The following CELF5 variants were observed in gnomAD, a reference collection of about 807,000 sequenced individuals.
CELF5 encodes the protein CUG-BP and ETR-3 like factor 5.
Under a neutral mutation model 54.9 loss-of-function variants are expected in CELF5, and 6 were observed. The observed-to-expected ratio is 0.11, with a 90% CI of 0.06 to 0.22. The LOEUF is 0.22. CELF5 is among the 10% of genes least tolerant of loss of function. The probability of loss-of-function intolerance (pLI) is 1.00; values close to 1 mark genes in which losing one functional copy is unlikely to be tolerated. For synonymous variants in CELF5, 271 were observed against 290.9 expected (o/e 0.93, Z 0.70); for missense variants, 401 against 678.6 (o/e 0.59, Z 4.54).
At chr19:3,255,839 C>A (rs1036029553) in intron 2 of CELF5, among the ~76,000 whole-genome samples, 37 of 152,152 alleles carry the variant, frequency 2.4e-4, no homozygotes, top group African/African-American at 7.9e-4. Context: ...CCGAGGCGAG[C>A]AGATCATCTG....
chr19:3,273,168 A>G (rs748569203), intron 2 of CELF5, among the ~76,000 whole-genome samples: 31 of 152,052 alleles, frequency 2.0e-4, no homozygotes, highest in African/African-American at 7.2e-4. Flanking sequence ...AAACTACTCC[A>G]GTCATTGTAT....
Position 3,257,664 on chromosome 19 carries a change from C to T in CELF5, c.342+6597C>T, listed in dbSNP as rs150066594. On this transcript the variant is annotated intron_variant, in intron 2 of 12. Transcript: ENST00000292672. Reference sequence around the variant, plus strand: ...CTAATTTTTGTATTTTTAGTAGAGACGGGGTTTCCCCATGTTGGTCAGGCT... The same window carrying T: ...CTAATTTTTGTATTTTTAGTAGAGATGGGGTTTCCCCATGTTGGTCAGGCT... 6.6e-3 allele frequency among the ~76,000 whole-genome samples: 996 copies of T among 151,302 alleles called. 9 individuals carry two copies. The highest frequency in any genetic ancestry group is 0.023 in the African/African-American group (931 of 41,308).
Position 3,255,560 on chromosome 19 carries a change from C to G in CELF5, c.342+4493C>G, listed in dbSNP as rs558419875. 1.6e-3 allele frequency among the ~76,000 whole-genome samples: 243 copies of G among 152,192 alleles called. 1 individual carries two copies. Among genetic ancestry groups the G allele is most frequent in the African/African-American group, 5.6e-3 (234 of 41,540 alleles). On this transcript the variant is annotated intron_variant, in intron 2 of 12. Coordinates refer to ENST00000292672, the MANE Select transcript of CELF5 (RefSeq NM_021938.4). ...AGCCTCTTCTCCTCCCTCCTCCTCGCCCCCAGAGCTCATGGCCCCCACATC... is the reference window on the plus strand; with the variant it reads ...AGCCTCTTCTCCTCCCTCCTCCTCGGCCCCAGAGCTCATGGCCCCCACATC...
At chr19:3,253,070 C>T (rs1346932518) in intron 2 of CELF5, among the ~76,000 whole-genome samples, 3 of 150,794 alleles carry the variant, frequency 2.0e-5, no homozygotes, top group African/African-American at 7.3e-5. Context: ...CTGGTGCCTA[C>T]CCAAACCAAC....
rs1296485811 is a variant in CELF5 at position 3,278,224 on chromosome 19, C to A, written c.603+114C>A. ...CTGTCATCCGGTAGCCCCTGGCTGT[C>A]CTTCAGAGGGGGCACAGGTGGAGAA... On this transcript the variant is annotated intron_variant, in intron 5 of 12. Coordinates refer to ENST00000292672, the MANE Select transcript of CELF5 (RefSeq NM_021938.4). The surrounding 1 kb of genome is among the most constrained non-coding windows in gnomAD (Gnocchi z 4.5). The A allele has an allele frequency of 2.6e-6, 2 of 765,752 alleles. No individual in the cohort carries two copies. The highest frequency in any genetic ancestry group is 4.5e-5 in the Admixed American group (2 of 44,702). 47.4% of individuals were successfully genotyped at this position (765,752 alleles called of 1,614,324 possible). A position where few individuals can be genotyped will look rare whatever the true frequency, so the allele number is the denominator to read the frequency against.
chr19:3,283,838 T>G (rs1017904744), intron 8 of CELF5, among the ~76,000 whole-genome samples: 1 of 151,220 alleles, frequency 6.6e-6, no homozygotes, highest in Non-Finnish European at 1.5e-5. Flanking sequence ...ATTTATTTAT[T>G]TAGCGACAGA....
Position 3,252,501 on chromosome 19 carries a change from G to A in CELF5, c.342+1434G>A, listed in dbSNP as rs192921789. On this transcript the variant is annotated intron_variant, in intron 2 of 12. Transcript: ENST00000292672. Reference sequence around the variant, plus strand: ...TGAGCCACGGCGCCCCACCTTGTGAGCTCTGGGGCAGGGAGCTCACCCTTC... The same window carrying A: ...TGAGCCACGGCGCCCCACCTTGTGAACTCTGGGGCAGGGAGCTCACCCTTC... Among the ~76,000 whole-genome samples the A allele has an allele frequency of 4.7e-3, 720 of 152,320 alleles. 3 individuals carry two copies. The highest frequency in any genetic ancestry group is 7.2e-3 in the Non-Finnish European group (488 of 68,028).
At position 3,268,292 on chromosome 19, in the gene CELF5, C is replaced by A. The variant is rs1426292672; in HGVS notation, c.343-5580C>A. ...AAAGTGCTGGGGTTACAGGTGTGAG[C>A]CACCACACCCGGCACCTAGAAGTGT... On this transcript the variant is annotated intron_variant, in intron 2 of 12. Coordinates refer to ENST00000292672, the MANE Select transcript of CELF5 (RefSeq NM_021938.4). This position sits in a 1 kb window ranked among gnomAD's most constrained non-coding sequence, Gnocchi z 4.4. 1.3e-5 allele frequency among the ~76,000 whole-genome samples: 2 copies of A among 152,152 alleles called. No individual in the cohort carries two copies. The highest frequency in any genetic ancestry group is 2.9e-5 in the Non-Finnish European group (2 of 68,046).
At chr19:3,229,626 G>A (rs984492100) in intron 1 of CELF5, among the ~76,000 whole-genome samples, 12 of 152,224 alleles carry the variant, frequency 7.9e-5, no homozygotes, top group Non-Finnish European at 5.9e-5. Context: ...GGGTCTTCCC[G>A]TTTCAGAGGA....
intron 2 of CELF5, among the ~76,000 whole-genome samples, chr19:3,251,554 C>G (rs1178114317): frequency 1.3e-5 from 2 of 151,486 alleles, no homozygotes; most frequent in African/African-American, 4.9e-5. Context: ...TGGGGAGAAG[C>G]ATAGACCATG....
Position 3,285,967 on chromosome 19 carries a change from G to C in CELF5, c.1128G>C (p.Thr376=). Residue 376 remains threonine, a synonymous_variant, in exon 10 of 13, where the codon ACG becomes ACC. Transcript: ENST00000292672. ...YTAMYPTAAI[T]PIAHSVPQPP... is the part of the protein sequence containing the mutation. Reference sequence around the variant, plus strand: ...CCATGTACCCCACCGCGGCCATCACGCCCATCGCGCACAGCGTCCCCCAGC... The same window carrying C: ...CCATGTACCCCACCGCGGCCATCACCCCCATCGCGCACAGCGTCCCCCAGC... 1 of 1,586,724 alleles carries C rather than the reference G, an allele frequency of 6.3e-7. No homozygotes were observed. Among genetic ancestry groups the C allele is most frequent in the South Asian group, 1.1e-5 (1 of 88,816 alleles).
chr19:3,250,252 G>A (rs936590429), intron 1 of CELF5, among the ~76,000 whole-genome samples: 1 of 152,210 alleles, frequency 6.6e-6, no homozygotes, highest in African/African-American at 2.4e-5. Context: ...ACTTCGGGAG[G>A]CCGAGGCGGG....
chr19:3,275,747 C>A lies in CELF5; in HGVS notation c.395-109C>A. On this transcript the variant is annotated intron_variant, in intron 3 of 12. Coordinates refer to ENST00000292672, the MANE Select transcript of CELF5 (RefSeq NM_021938.4). This position sits in a 1 kb window ranked among gnomAD's most constrained non-coding sequence, Gnocchi z 6.7. ...AGAACCGGAGCCGGCAGGGCCCGGG[C>A]GCCGCGTCTTCCTGCCCTGCCGCCT... is the stretch of plus-strand genomic sequence containing the variant. 8.3e-7 allele frequency: 1 copy of A among 1,206,150 alleles called. No homozygotes were observed. The highest frequency in any genetic ancestry group is 1.6e-5 in the South Asian group (1 of 62,482). The allele number at this position is 1,206,150 out of a possible 1,614,324, so 74.7% of individuals were successfully genotyped here.
intron 2 of CELF5, among the ~76,000 whole-genome samples, chr19:3,259,790 G>A (rs2079783046): frequency 6.6e-6 from 1 of 151,550 alleles, no homozygotes; most frequent in African/African-American, 2.4e-5. Context: ...GGGTGCTGCT[G>A]GCATGGAGTG....
chr19:3,259,091 C>G (rs1449613222), intron 2 of CELF5, among the ~76,000 whole-genome samples: 1 of 151,980 alleles, frequency 6.6e-6, no homozygotes, highest in Non-Finnish European at 1.5e-5. Context: ...TGGGATGAGT[C>G]GAGAGATGGA....
chr19:3,252,110 C>T lies in CELF5; in HGVS notation c.342+1043C>T, dbSNP rs2079659440. Among the ~76,000 whole-genome samples the T allele has an allele frequency of 3.3e-5, 5 of 152,186 alleles. No homozygotes were observed. The South Asian group carries it at 1.0e-3, about 32-fold the overall frequency. On this transcript the variant is annotated intron_variant, in intron 2 of 12. Coordinates refer to ENST00000292672, the MANE Select transcript of CELF5 (RefSeq NM_021938.4). ...TTACCCAGGCTGGAGTACAATGGCT[C>T]ACTGCAGCCTCCACCTCCTGGGGTC...
chr19:3,252,319 G>A (rs1245322976), intron 2 of CELF5, among the ~76,000 whole-genome samples: 1 of 152,196 alleles, frequency 6.6e-6, no homozygotes, highest in Non-Finnish European at 1.5e-5. Context: ...ACAGGTGTGA[G>A]CCAGCACACC....
chr19:3,226,888 G>T (rs528688631), intron 1 of CELF5, among the ~76,000 whole-genome samples: 1 of 152,124 alleles, frequency 6.6e-6, no homozygotes, highest in Admixed American at 6.6e-5. Flanking sequence ...TTTCCCTGCT[G>T]TCAACAGAGC....
At chr19:3,243,650 C>T (rs143819430) in intron 1 of CELF5, among the ~76,000 whole-genome samples, 41 of 152,186 alleles carry the variant, frequency 2.7e-4, no homozygotes, top group Middle Eastern at 6.8e-3. Flanking sequence ...CAGGCGCTGC[C>T]GTAACCACAC....
Sources: allele counts gnomAD v4.1 joint callset (sites outside exome capture counted in the v4.1 genomes callset), GRCh38; gene constraint gnomAD v4.1.1; non-coding constraint Gnocchi (gnomAD v3.1); transcripts MANE v1.5; gene names NCBI Gene and HGNC (gene_info 2026-07-23, HGNC 2026-07-21).